NPFFR2: variants seen among roughly 807,000 people sequenced by gnomAD.
NPFFR2 encodes neuropeptide FF receptor 2, also known as G-protein coupled receptor 74.
NPFFR2 carries 15 observed loss-of-function variants against 13.1 expected under a neutral mutation model. The observed-to-expected ratio is 1.15, with a 90% CI of 0.77 to 1.76. The LOEUF is 1.76. NPFFR2 is among the 40% of genes most tolerant of loss of function. NPFFR2 has a pLI of 0.00. For synonymous variants in NPFFR2, 190 were observed against 175.7 expected, an observed-to-expected ratio of 1.08 and a Z score of -0.65; for missense variants, 572 against 503.5, an observed-to-expected ratio of 1.14 and a Z score of -1.30.
At chr4:72,127,620 C>T (rs1230228266) in intron 1 of NPFFR2, among the ~76,000 whole-genome samples, 1 of 150,852 alleles carries the variant, frequency 6.6e-6, no homozygotes, top group Non-Finnish European at 1.5e-5. Context: ...GCCTCGGCCT[C>T]CCAAAGTGCT....
chr4:72,146,711 G>GA, intron 3 of NPFFR2: 1 of 373,042 alleles, frequency 2.7e-6, no homozygotes, highest in Non-Finnish European at 4.8e-6. Context: ...AACAGAGTCT[G>GA]AAACGGTTTT....
intron 1 of NPFFR2, among the ~76,000 whole-genome samples, chr4:72,128,344 A>T (rs375292509): frequency 3.3e-5 from 5 of 152,326 alleles, no homozygotes; most frequent in African/African-American, 9.6e-5. Flanking sequence ...TATTAGAAAT[A>T]AAATATAATA....
chr4:72,141,536 G>T (rs1340061851), intron 3 of NPFFR2, among the ~76,000 whole-genome samples: 1 of 152,168 alleles, frequency 6.6e-6, no homozygotes, highest in Non-Finnish European at 1.5e-5. Context: ...TCATTCAGGA[G>T]CAGGTTGTTC....
At chr4:72,070,567 G>C (rs770703008) in intron 1 of NPFFR2, among the ~76,000 whole-genome samples, 2 of 137,356 alleles carry the variant, frequency 1.5e-5, no homozygotes, top group Admixed American at 7.3e-5. Flanking sequence ...GTGTGGGGGG[G>C]GGGGGTGGGG....
chr4:72,063,884 A>G (rs1202482389), intron 1 of NPFFR2, among the ~76,000 whole-genome samples: 4 of 152,258 alleles, frequency 2.6e-5, no homozygotes, highest in African/African-American at 9.6e-5. Flanking sequence ...AGTATATGCA[A>G]GACATGAGAA....
chr4:72,091,612 T>C (rs1720921612), intron 1 of NPFFR2, among the ~76,000 whole-genome samples: 1 of 152,138 alleles, frequency 6.6e-6, no homozygotes, highest in Admixed American at 6.6e-5. Context: ...TTTTCTAGTG[T>C]ATGTGTGAAA....
At chr4:72,078,976 A>C (rs1408039685) in intron 1 of NPFFR2, among the ~76,000 whole-genome samples, 1 of 152,034 alleles carries the variant, frequency 6.6e-6, no homozygotes, top group Non-Finnish European at 1.5e-5. Context: ...AGCACAAGGA[A>C]TACTTATGAT....
At chr4:72,083,121 T>C (rs1034065640) in intron 1 of NPFFR2, among the ~76,000 whole-genome samples, 16 of 152,162 alleles carry the variant, frequency 1.1e-4, no homozygotes, top group Non-Finnish European at 2.4e-4. Flanking sequence ...ACTTGAATAA[T>C]GGCTACTGTG....
chr4:72,057,201 CA>C (rs1719776866), intron 1 of NPFFR2, among the ~76,000 whole-genome samples: 4 of 151,774 alleles, frequency 2.6e-5, no homozygotes, highest in Non-Finnish European at 5.9e-5. Context: ...TCATCATCAT[CA>C]TCATTGACTC....
At chr4:72,091,239 A>C (rs748512491) in intron 1 of NPFFR2, among the ~76,000 whole-genome samples, 1 of 152,072 alleles carries the variant, frequency 6.6e-6, no homozygotes, top group African/African-American at 2.4e-5. Flanking sequence ...GTTAGCTAGT[A>C]TTTCGTTGAG....
intron 1 of NPFFR2, among the ~76,000 whole-genome samples, chr4:72,105,381 T>C (rs1412486232): frequency 1.3e-5 from 2 of 152,130 alleles, no homozygotes; most frequent in East Asian, 1.9e-4. Flanking sequence ...TAATGGCTTA[T>C]TGCTAGCTGG....
intron 1 of NPFFR2, among the ~76,000 whole-genome samples, chr4:72,116,913 G>A (rs1721728628): frequency 1.3e-5 from 2 of 151,682 alleles, no homozygotes; most frequent in African/African-American, 4.8e-5. Context: ...ATAGACCTAA[G>A]CCCCAAAGGC....
chr4:72,045,383 A>C (rs565766228), intron 1 of NPFFR2, among the ~76,000 whole-genome samples: 1 of 152,108 alleles, frequency 6.6e-6, no homozygotes, highest in Non-Finnish European at 1.5e-5. Context: ...CCATTGATCT[A>C]TGTGTCTATT....
intron 1 of NPFFR2, among the ~76,000 whole-genome samples, chr4:72,099,222 C>T (rs1335488367): frequency 2.0e-5 from 3 of 152,102 alleles, no homozygotes; most frequent in East Asian, 1.9e-4. Context: ...ATTTCATTCA[C>T]CTCCTGATAA....
At chr4:72,039,498 T>C (rs1291344055) in intron 1 of NPFFR2, 1 of 540,458 alleles carries the variant, frequency 1.9e-6, no homozygotes. Context: ...CAAATCAATC[T>C]TTTTGTCATC....
chr4:72,123,248 A>G (rs1241060873), intron 1 of NPFFR2, among the ~76,000 whole-genome samples: 4 of 152,178 alleles, frequency 2.6e-5, no homozygotes, highest in Admixed American at 2.6e-4. Flanking sequence ...ACCAATAACA[A>G]GTTCTGAAAC....
rs1249060606 is a variant in NPFFR2, at chr4:72,128,914, T to C, written c.323T>C (p.Ile108Thr). 2 of 1,601,420 alleles carry C rather than the reference T, an allele frequency of 1.2e-6. No individual in the cohort carries two copies. Among genetic ancestry groups the C allele is most frequent in the Non-Finnish European group, 1.7e-6 (2 of 1,170,292 alleles). ...CCTATAACACTGCTGGACAATATTATAGCAGGTATGTTGGCTTTTGTGCAG... is the reference window on the plus strand; with the variant it reads ...CCTATAACACTGCTGGACAATATTACAGCAGGTATGTTGGCTTTTGTGCAG... ...CMPITLLDNI[I>T]AGWPFGNTMC... The change falls in exon 2 of 4, where the codon ATA becomes ACA. Residue 108 changes from isoleucine (I) to threonine (T), a missense_variant. Coordinates refer to ENST00000308744, the MANE Select transcript of NPFFR2 (RefSeq NM_004885.3).
chr4:72,113,836 T>G (rs1040313115), intron 1 of NPFFR2, among the ~76,000 whole-genome samples: 1 of 152,122 alleles, frequency 6.6e-6, no homozygotes, highest in Non-Finnish European at 1.5e-5. Flanking sequence ...GGTGGAGTTT[T>G]GCTTGGTTGA....
chr4:72,058,802 G>T lies in NPFFR2; in HGVS notation c.-8+26602G>T, dbSNP rs1453266372. Among the ~76,000 whole-genome samples, 2 of 151,834 alleles carry T rather than the reference G, an allele frequency of 1.3e-5. 1 individual carries two copies. Among genetic ancestry groups the T allele is most frequent in the Admixed American group, 1.3e-4 (2 of 15,204 alleles). ...GTCACAAACCTTTCAAGTACAATTG[G>T]ATCTTCATGATTTTAAGGCCCAAGA... On this transcript the variant is annotated intron_variant, in intron 1 of 3. Transcript: ENST00000308744.
Sources: gnomAD v4.1 joint callset for allele counts (sites outside exome capture counted in the v4.1 genomes callset) on GRCh38, gnomAD v4.1.1 for gene constraint, MANE v1.5 for transcripts, NCBI Gene and HGNC (gene_info 2026-07-23, HGNC 2026-07-21) for gene names.